ZBTB46: variants seen among roughly 807,000 people sequenced by gnomAD.
ZBTB46 encodes the protein zinc finger and BTB domain-containing protein 46.
ZBTB46 carries 8 observed loss-of-function variants against 44.1 expected under a neutral mutation model. The ratio of observed to expected loss-of-function variants is 0.18; its 90% CI spans 0.11 to 0.33. The LOEUF (loss-of-function observed/expected upper bound fraction) is 0.33, where lower values mean the gene tolerates loss of function less well. ZBTB46 is among the 10% of genes least tolerant of loss of function. ZBTB46 has a pLI of 1.00. For synonymous variants in ZBTB46, 409 were observed against 382.3 expected, an observed-to-expected ratio of 1.07 and a Z score of -0.81; for missense variants, 651 against 847.7, an observed-to-expected ratio of 0.77 and a Z score of 2.88.
At chr20:63,827,584 C>T (rs1264050305) in intron 1 of ZBTB46, among the ~76,000 whole-genome samples, 3 of 146,222 alleles carry the variant, frequency 2.1e-5, no homozygotes, top group Admixed American at 6.9e-5. Context: ...GTCCGCAGTC[C>T]GGCCTGGGCG....
chr20:63,812,835 C>T (rs991392473), intron 1 of ZBTB46, among the ~76,000 whole-genome samples: 3 of 151,920 alleles, frequency 2.0e-5, no homozygotes, highest in African/African-American at 7.3e-5. Context: ...GTGGCTAATG[C>T]CTGTAATCCC....
In ZBTB46 at chr20:63,743,730, C is replaced by T. The variant is rs1444904283; in HGVS notation, c.*3200G>A. ...GCTTTGCAAGGATGTCTAAGCTAAT[C>T]CCGTCACAGAAAGGAAACGCACAGG... On this transcript the variant is annotated 3_prime_UTR_variant, in exon 5 of 5. Transcript: ENST00000245663. 6.6e-6 allele frequency: 1 copy of T among 152,402 alleles called. No individual in the cohort carries two copies. The highest frequency in any genetic ancestry group is 1.5e-5 in the Non-Finnish European group (1 of 68,058). 9.4% of individuals were successfully genotyped at this position (152,402 alleles called of 1,614,324 possible).
chr20:63,806,209 C>G (rs556312768), intron 1 of ZBTB46, among the ~76,000 whole-genome samples: 1 of 150,940 alleles, frequency 6.6e-6, no homozygotes, highest in East Asian at 2.0e-4. Context: ...CGAGACCAAC[C>G]TGGCCAACAT....
At chr20:63,761,613 C>A (rs1466779668) in intron 3 of ZBTB46, among the ~76,000 whole-genome samples, 1 of 151,946 alleles carries the variant, frequency 6.6e-6, no homozygotes, top group Admixed American at 6.6e-5. Flanking sequence ...GGAACTCTGT[C>A]TCTACTAAAA....
At chr20:63,775,565 C>T in intron 3 of ZBTB46, 113 bp downstream of exon 3, 1 of 1,390,212 alleles carries the variant, frequency 7.2e-7, no homozygotes. Flanking sequence ...GGTCAGCAGG[C>T]GGCCGAGCAG....
chr20:63,760,401 G>C (rs1249138816), intron 3 of ZBTB46, among the ~76,000 whole-genome samples: 2 of 151,750 alleles, frequency 1.3e-5, no homozygotes, highest in African/African-American at 2.4e-5. Context: ...TTCGCATAAA[G>C]TTGTGTATAA....
At position 63,752,024 on chromosome 20, in the gene ZBTB46, G is replaced by A. The variant is rs1298779213; in HGVS notation, c.1398+662C>T. Among the ~76,000 whole-genome samples the A allele has an allele frequency of 2.6e-5, 4 of 151,648 alleles. No individual in the cohort carries two copies. The East Asian group carries it at 7.9e-4, about 30-fold the overall frequency. The stretch of plus-strand genomic sequence containing the variant: ...CGCCTCCACTGCCTCTCCTCACACA[G>A]CTGCCCGCCGCGAGCTCCCCCTGCA... On this transcript the variant is annotated intron_variant, in intron 4 of 4. Transcript: ENST00000245663. This position sits in a 1 kb window ranked among gnomAD's most constrained non-coding sequence, Gnocchi z 5.6.
chr20:63,826,772 G>C (rs572454305), intron 1 of ZBTB46, among the ~76,000 whole-genome samples: 1 of 152,308 alleles, frequency 6.6e-6, no homozygotes, highest in East Asian at 1.9e-4. Flanking sequence ...GACAGCGAGT[G>C]TCCTTGGGAA....
intron 1 of ZBTB46, among the ~76,000 whole-genome samples, chr20:63,824,685 C>T (rs1424487099): frequency 4.1e-5 from 6 of 144,942 alleles, no homozygotes; most frequent in Non-Finnish European, 7.6e-5. Context: ...CCCATCTCAC[C>T]GTCATCAAAC....
intron 1 of ZBTB46, among the ~76,000 whole-genome samples, chr20:63,828,306 G>A (rs1053652755): frequency 6.6e-6 from 1 of 152,244 alleles, no homozygotes; most frequent in African/African-American, 2.4e-5. Context: ...TCACAGCTAC[G>A]CCGCAGCCGC....
intron 3 of ZBTB46, among the ~76,000 whole-genome samples, chr20:63,756,827 G>A (rs758177700): frequency 1.3e-5 from 2 of 152,216 alleles, no homozygotes; most frequent in African/African-American, 2.4e-5. Context: ...ACTGCTGCCT[G>A]GAGGAGGATG....
intron 1 of ZBTB46, among the ~76,000 whole-genome samples, chr20:63,801,539 G>C (rs1417024869): frequency 6.6e-6 from 1 of 152,166 alleles, no homozygotes; most frequent in East Asian, 1.9e-4. Flanking sequence ...TTCATACATT[G>C]AAAGTGTTGT....
intron 1 of ZBTB46, among the ~76,000 whole-genome samples, chr20:63,800,999 G>C (rs1435733078): frequency 6.6e-6 from 1 of 152,250 alleles, no homozygotes; most frequent in African/African-American, 2.4e-5. Flanking sequence ...GGGCTCCTGA[G>C]TCTGGTGGGG....
chr20:63,808,103 G>A (rs972194127), intron 1 of ZBTB46: 1 of 153,180 alleles, frequency 6.5e-6, no homozygotes, highest in African/African-American at 2.4e-5. Context: ...GACGGAGGTG[G>A]CGTGGATGAG....
intron 3 of ZBTB46, among the ~76,000 whole-genome samples, chr20:63,760,133 A>G (rs1274110843): frequency 6.6e-6 from 1 of 152,230 alleles, no homozygotes; most frequent in Admixed American, 6.5e-5. Context: ...ATGCCAGCTT[A>G]GATAGGCTGG....
upstream of ZBTB46, among the ~76,000 whole-genome samples, chr20:63,831,485 C>A (rs1471119578): frequency 5.5e-5 from 8 of 145,978 alleles, no homozygotes; most frequent in African/African-American, 2.0e-4. Flanking sequence ...CGCAGGGGGC[C>A]GCGCCGGGGG....
In ZBTB46 at chr20:63,801,536, A is replaced by G. The variant is rs189037183; in HGVS notation, c.-33-10746T>C. Reference sequence around the variant, plus strand: ...AACTTGCTGGGGTCCCCTTTCATACATTGAAAGTGTTGTTCTTTTGCTCTT... The same window carrying G: ...AACTTGCTGGGGTCCCCTTTCATACGTTGAAAGTGTTGTTCTTTTGCTCTT... On this transcript the variant is annotated intron_variant, in intron 1 of 4. Transcript: ENST00000245663. Among the ~76,000 whole-genome samples the G allele has an allele frequency of 6.6e-5, 10 of 152,302 alleles. No individual in the cohort carries two copies. In the East Asian group the frequency reaches 9.6e-4, roughly 15 times the overall value.
At chr20:63,781,814 G>A (rs1407623579) in intron 2 of ZBTB46, among the ~76,000 whole-genome samples, 7 of 151,530 alleles carry the variant, frequency 4.6e-5, no homozygotes, top group African/African-American at 1.2e-4. Context: ...GGCCGGGCGC[G>A]GTGGCTCACG....
In ZBTB46 at chr20:63,803,218, C is replaced by T. The variant is rs2092660444; in HGVS notation, c.-33-12428G>A. ...CCCCAGGGCGCCTCACCAGCAGGAA[C>T]CAGGCACCTCCCCTCACACCAAGGC... On this transcript the variant is annotated intron_variant, in intron 1 of 4. Transcript: ENST00000245663. The surrounding 1 kb of genome is among the most constrained non-coding windows in gnomAD (Gnocchi z 4.0). 1.2e-6 allele frequency: 1 copy of T among 824,376 alleles called. No homozygotes were observed. 51.1% of individuals were successfully genotyped at this position (824,376 alleles called of 1,614,324 possible).
Sources: allele counts gnomAD v4.1 joint callset (sites outside exome capture counted in the v4.1 genomes callset), GRCh38; gene constraint gnomAD v4.1.1; non-coding constraint Gnocchi (gnomAD v3.1); transcripts MANE v1.5; gene names NCBI Gene and HGNC (gene_info 2026-07-23, HGNC 2026-07-21).